IRAG1: variants seen among roughly 807,000 people sequenced by gnomAD.
The protein encoded by IRAG1 is inositol 1,4,5-triphosphate receptor associated 1, also known as IP3R-associated cGMP kinase substrate.
In IRAG1, 62 loss-of-function variants were observed where a neutral mutation model predicts 106.2. The observed-to-expected ratio is 0.58, with a 90% CI of 0.48 to 0.72. The LOEUF (loss-of-function observed/expected upper bound fraction) is 0.72. IRAG1 is among the 30% of genes least tolerant of loss of function. IRAG1 has a pLI of 0.00. For synonymous variants in IRAG1, 462 were observed against 443.9 expected, an observed-to-expected ratio of 1.04 and a Z score of -0.51; for missense variants, 1,064 against 1,140.7, an observed-to-expected ratio of 0.93 and a Z score of 0.97.
In IRAG1 at chr11:10,634,053, C is replaced by G. The variant is rs1457504089; in HGVS notation, c.244G>C (p.Val82Leu). The G allele has an allele frequency of 6.2e-7, 1 of 1,610,646 alleles. No individual in the cohort carries two copies. Among genetic ancestry groups the G allele is most frequent in the East Asian group, 2.2e-5 (1 of 44,804 alleles). ...ATCGTGGGAGTTGGACTGCAAGATA[C>G]TCCTGCGGCAGGAGGACCCTGCCGG... ...PAGQGPPAAG[V>L]SCSPTPTIVL... is the part of the protein sequence containing the mutation. The change falls in exon 3 of 21, where the codon GTA becomes CTA. Residue 82 changes from valine (V) to leucine (L), a missense_variant. Val to Leu is a conservative substitution (Grantham distance 32). Transcript: ENST00000423302.
chr11:10,649,390 G>T (rs1858266841), intron 2 of IRAG1, among the ~76,000 whole-genome samples: 1 of 152,172 alleles, frequency 6.6e-6, no homozygotes, highest in African/African-American at 2.4e-5. Flanking sequence ...CTTGAGGGCT[G>T]GGCTGAACAG....
chr11:10,629,146 C>T (rs915771889), intron 5 of IRAG1, among the ~76,000 whole-genome samples: 1 of 152,148 alleles, frequency 6.6e-6, no homozygotes, highest in Non-Finnish European at 1.5e-5. Context: ...AGAGGCTGCT[C>T]CTTCTCGACT....
rs544744368 is a variant in IRAG1, at chr11:10,592,707, A to G, written c.2175+785T>C. On this transcript the variant is annotated intron_variant, in intron 17 of 20. Coordinates refer to ENST00000423302, the MANE Select transcript of IRAG1 (RefSeq NM_130385.4). ...CTTTGTCTAAAAGAAATGGAAATGT[A>G]TTTTTCCTGATTATTACCAATACAT... Among the ~76,000 whole-genome samples the G allele has an allele frequency of 2.2e-4, 33 of 152,292 alleles. 2 individuals carry two copies. In the South Asian group the frequency reaches 6.8e-3, roughly 32 times the overall value.
intron 1 of IRAG1, chr11:10,690,139 C>T (rs181943770): frequency 1.0e-4 from 26 of 249,462 alleles, no homozygotes; most frequent in African/African-American, 4.7e-4. Flanking sequence ...GCCTATAATC[C>T]CAGACTTTGG....
intron 1 of IRAG1, among the ~76,000 whole-genome samples, chr11:10,679,881 G>C (rs1197362967): frequency 6.6e-6 from 1 of 152,202 alleles, no homozygotes; most frequent in Non-Finnish European, 1.5e-5. Flanking sequence ...TAAATGTGCA[G>C]TATAAATCTG....
intron 2 of IRAG1, among the ~76,000 whole-genome samples, chr11:10,639,815 C>A (rs1857391827): frequency 2.0e-5 from 3 of 152,166 alleles, no homozygotes; most frequent in African/African-American, 7.2e-5. Flanking sequence ...AGAGCAAAGA[C>A]CTTCTTGGAG....
intron 19 of IRAG1, 122 bp from the exon 20 acceptor site, chr11:10,580,711 C>T (rs975235909): frequency 1.3e-5 from 16 of 1,220,524 alleles, no homozygotes; most frequent in Middle Eastern, 5.6e-4. Context: ...TATGGTTCCA[C>T]AAAACAGGAA....
At chr11:10,595,142 C>G (rs1303419834) in intron 15 of IRAG1, among the ~76,000 whole-genome samples, 1 of 148,032 alleles carries the variant, frequency 6.8e-6, no homozygotes, top group Non-Finnish European at 1.5e-5. Flanking sequence ...CCAGGCTGGT[C>G]TCCAACTCCT....
intron 18 of IRAG1, among the ~76,000 whole-genome samples, chr11:10,583,307 A>G (rs1181565803): frequency 2.6e-5 from 4 of 152,194 alleles, no homozygotes; most frequent in Non-Finnish European, 5.9e-5. Flanking sequence ...CACTTGTCTC[A>G]GGTGGAAAAG....
chr11:10,601,976 C>T lies in IRAG1; in HGVS notation c.1876-917G>A, dbSNP rs536365776. On this transcript the variant is annotated intron_variant, in intron 14 of 20. Coordinates refer to ENST00000423302, the MANE Select transcript of IRAG1 (RefSeq NM_130385.4). The stretch of plus-strand genomic sequence containing the variant: ...TGCACACAATGAGAACAATTTCTCT[C>T]TGCTCATACCCCAGTTAGATCCCTC... Among the ~76,000 whole-genome samples the T allele has an allele frequency of 3.9e-5, 6 of 152,360 alleles. No individual in the cohort carries two copies. In the East Asian group the frequency reaches 1.2e-3, roughly 29 times the overall value.
At chr11:10,603,320 C>A (rs1285958271) in intron 13 of IRAG1, 69 bp from the exon 14 acceptor site, 8 of 1,560,608 alleles carry the variant, frequency 5.1e-6, no homozygotes, top group Non-Finnish European at 7.0e-6. Context: ...CAGTCCCCAA[C>A]CTTTTCGGCC....
rs1267851419 is a variant in IRAG1, at chr11:10,652,014, G to A, written c.225+11C>T. Reference sequence around the variant, plus strand: ...AGCCAGGCTAGCTGAGGGCAGGGAGGGGGCACTTACTTGGCCGGCAGGGCT... The same window carrying A: ...AGCCAGGCTAGCTGAGGGCAGGGAGAGGGCACTTACTTGGCCGGCAGGGCT... On this transcript the variant is annotated intron_variant, in intron 2 of 20. Coordinates refer to ENST00000423302, the MANE Select transcript of IRAG1 (RefSeq NM_130385.4). 1.9e-6 allele frequency: 3 copies of A among 1,556,206 alleles called. No homozygotes were observed. The highest frequency in any genetic ancestry group is 2.6e-6 in the Non-Finnish European group (3 of 1,151,696).
intron 8 of IRAG1, among the ~76,000 whole-genome samples, chr11:10,626,864 C>A (rs537434216): frequency 6.6e-6 from 1 of 152,352 alleles, no homozygotes; most frequent in Non-Finnish European, 1.5e-5. Context: ...GGCCCTAACT[C>A]AGTTGCCCCA....
chr11:10,692,995 G>A (rs77704619), intron 1 of IRAG1, among the ~76,000 whole-genome samples: 2,294 of 152,320 alleles, frequency 0.015, 59 homozygotes, highest in African/African-American at 0.052. Context: ...AGACAAAAGA[G>A]GAGACAGGGA....
Position 10,628,823 on chromosome 11 carries a change from A to G in IRAG1, c.580T>C (p.Ser194Pro). The change falls in exon 6 of 21, where the codon TCC (serine) becomes CCC (proline). Residue 194 changes from serine to proline, a missense_variant. Physicochemically the swap from Ser to Pro is moderately conservative, Grantham distance 74. Coordinates refer to ENST00000423302, the MANE Select transcript of IRAG1 (RefSeq NM_130385.4). This position sits in a 1 kb window ranked among gnomAD's most constrained non-coding sequence, Gnocchi z 4.1. ...GAAGCGCTGGGGCTGAGGTTCGGGGAAACAGCTGTGAAGACAGACACAAAT... is the reference window on the plus strand; with the variant it reads ...GAAGCGCTGGGGCTGAGGTTCGGGGGAACAGCTGTGAAGACAGACACAAAT... Reference protein sequence around the residue: ...SSPGDSPSAVSPNLSPSASPT... With the variant: ...SSPGDSPSAVPPNLSPSASPT... The G allele has an allele frequency of 6.3e-7, 1 of 1,579,960 alleles. No individual in the cohort carries two copies. Among genetic ancestry groups the G allele is most frequent in the Non-Finnish European group, 8.6e-7 (1 of 1,164,462 alleles).
At chr11:10,693,092 T>A (rs1862187621) in intron 1 of IRAG1, among the ~76,000 whole-genome samples, 1 of 151,854 alleles carries the variant, frequency 6.6e-6, no homozygotes, top group African/African-American at 2.4e-5. Context: ...TCTAGACAGG[T>A]CATGCCAGCC....
chr11:10,646,741 G>C (rs1242673807), intron 2 of IRAG1, among the ~76,000 whole-genome samples: 2 of 152,194 alleles, frequency 1.3e-5, no homozygotes, highest in Non-Finnish European at 2.9e-5. Context: ...TCTGCCTAGA[G>C]CATCAACGAA....
intron 2 of IRAG1, among the ~76,000 whole-genome samples, chr11:10,644,236 A>G (rs1857764900): frequency 6.6e-6 from 1 of 152,244 alleles, no homozygotes; most frequent in Non-Finnish European, 1.5e-5. Flanking sequence ...GATCTTTGAC[A>G]ATTACATAAA....
chr11:10,607,356 T>C (rs1177871416), intron 11 of IRAG1, among the ~76,000 whole-genome samples: 1 of 152,208 alleles, frequency 6.6e-6, no homozygotes, highest in African/African-American at 2.4e-5. Flanking sequence ...ACCAGGGTTC[T>C]TCTCCACAGC....
Sources: gnomAD v4.1 joint callset for allele counts (sites outside exome capture counted in the v4.1 genomes callset) on GRCh38, gnomAD v4.1.1 for gene constraint, Gnocchi (gnomAD v3.1) non-coding constraint, MANE v1.5 for transcripts, NCBI Gene and HGNC (gene_info 2026-07-23, HGNC 2026-07-21) for gene names.